The following SMARCA2 variants were observed in gnomAD, a reference collection of about 807,000 sequenced individuals.
SMARCA2 encodes the protein SWI/SNF related BAF chromatin remodeling complex subunit ATPase 2.
Under a neutral mutation model 199.8 loss-of-function variants are expected in SMARCA2, and 61 were observed. The ratio of observed to expected loss-of-function variants is 0.31; its 90% CI spans 0.25 to 0.38. The LOEUF (loss-of-function observed/expected upper bound fraction) is 0.38, where lower values mean the gene tolerates loss of function less well. Among genes scored for constraint, SMARCA2 ranks in the 10% least tolerant of loss-of-function variants. The pLI, the probability that SMARCA2 is intolerant of heterozygous loss-of-function variation, is 1.00. For synonymous variants in SMARCA2, 935 were observed against 732.0 expected, an observed-to-expected ratio of 1.28 and a Z score of -4.48; for missense variants, 1,344 against 2,012.2, an observed-to-expected ratio of 0.67 and a Z score of 6.35.
intron 27 of SMARCA2, chr9:2,158,833 A>T: frequency 9.9e-7 from 1 of 1,012,240 alleles, no homozygotes; most frequent in Non-Finnish European, 1.4e-6. Flanking sequence ...GTGTTTAGTG[A>T]ATTGATTTCC....
intron 5 of SMARCA2, among the ~76,000 whole-genome samples, chr9:2,053,779 C>G (rs370701624): frequency 1.3e-5 from 2 of 152,108 alleles, no homozygotes; most frequent in Admixed American, 1.3e-4. Context: ...ACTCTAAAAC[C>G]AGCAGTTTAT....
chr9:2,037,132 A>G (rs1391928660), intron 3 of SMARCA2, among the ~76,000 whole-genome samples: 1 of 152,224 alleles, frequency 6.6e-6, no homozygotes, highest in East Asian at 1.9e-4. Flanking sequence ...GTCATAATGA[A>G]CAGACTGCCA....
At chr9:2,182,597 C>A (rs1827125256) in intron 31 of SMARCA2, among the ~76,000 whole-genome samples, 1 of 144,214 alleles carries the variant, frequency 6.9e-6, no homozygotes, top group Admixed American at 7.1e-5. Flanking sequence ...AGGTTCAAGC[C>A]ATTCTTCTGC....
rs1315564854 is a variant in SMARCA2, at chr9:2,039,190, G to T, written c.356-276G>T. Among the ~76,000 whole-genome samples the T allele has an allele frequency of 2.0e-5, 3 of 150,792 alleles. No homozygotes were observed. Among genetic ancestry groups the T allele is most frequent in the Admixed American group, 6.6e-5 (1 of 15,154 alleles). On this transcript the variant is annotated intron_variant, in intron 3 of 33. Coordinates refer to ENST00000349721, the MANE Select transcript of SMARCA2 (RefSeq NM_003070.5). This position sits in a 1 kb window ranked among gnomAD's most constrained non-coding sequence, Gnocchi z 4.8. Reference sequence around the variant, plus strand: ...TTTACATTTTAAAATGATGTTTTGGGTATGTTGGTTTAAGTAAAATACATT... The same window carrying T: ...TTTACATTTTAAAATGATGTTTTGGTTATGTTGGTTTAAGTAAAATACATT...
intron 27 of SMARCA2, among the ~76,000 whole-genome samples, chr9:2,141,619 A>C (rs1824463072): frequency 6.6e-6 from 1 of 152,186 alleles, no homozygotes; most frequent in African/African-American, 2.4e-5. Flanking sequence ...GTGGGGCTGG[A>C]GTAGGGCAAA....
chr9:2,176,191 T>TTTTTTGTTTTTTTTTTTTTTG (rs1563829253), intron 29 of SMARCA2, among the ~76,000 whole-genome samples: 2 of 150,382 alleles, frequency 1.3e-5, no homozygotes, highest in African/African-American at 4.9e-5. Flanking sequence ...TGTTTTTTTT[T>TTTTTTGTTTTTTTTTTTTTTG]TTTTTTTTTT....
At chr9:2,024,148 G>A (rs1230357371) in intron 1 of SMARCA2, among the ~76,000 whole-genome samples, 2 of 152,180 alleles carry the variant, frequency 1.3e-5, no homozygotes, top group African/African-American at 2.4e-5. Context: ...AGGTTGGTGT[G>A]CTGCCCCAAA....
intron 27 of SMARCA2, among the ~76,000 whole-genome samples, chr9:2,150,581 G>A (rs1232991521): frequency 6.6e-6 from 1 of 151,688 alleles, no homozygotes; most frequent in Non-Finnish European, 1.5e-5. Flanking sequence ...TGTGTTATAT[G>A]TGCCTACGAG....
Position 2,077,746 on chromosome 9 carries a change from C to T in SMARCA2, c.2154C>T (p.Leu718=). ...ISERVEKQSA[L]LINGTLKHYQ... is the part of the protein sequence containing the mutation. ...AGAGGGTGGAGAAACAGTCTGCCCT[C>T]CTAATTAATGGGACCCTAAAGCATT... Residue 718 remains leucine, a synonymous_variant, in exon 14 of 34, where the codon CTC becomes CTT. Transcript: ENST00000349721. 4 of 1,613,438 alleles carry T rather than the reference C, an allele frequency of 2.5e-6. No individual in the cohort carries two copies. Among genetic ancestry groups the T allele is most frequent in the Non-Finnish European group, 3.4e-6 (4 of 1,179,712 alleles).
At chr9:2,190,261 A>T (rs1827785322) in intron 32 of SMARCA2, among the ~76,000 whole-genome samples, 1 of 152,230 alleles carries the variant, frequency 6.6e-6, no homozygotes, top group African/African-American at 2.4e-5. Flanking sequence ...GAAATTTACC[A>T]TATGGACATG....
At chr9:2,018,744 C>A (rs747864740) in intron 1 of SMARCA2, among the ~76,000 whole-genome samples, 1 of 152,184 alleles carries the variant, frequency 6.6e-6, no homozygotes, top group Non-Finnish European at 1.5e-5. Context: ...CCATTGAGAA[C>A]CCTAATAATA....
chr9:2,058,673 G>T (rs946600481), intron 8 of SMARCA2, among the ~76,000 whole-genome samples: 2 of 152,126 alleles, frequency 1.3e-5, no homozygotes, highest in South Asian at 2.1e-4. Context: ...TGACTGATGC[G>T]TATAGTATTT....
chr9:2,075,829 G>C (rs959722612), intron 12 of SMARCA2, among the ~76,000 whole-genome samples: 1 of 152,138 alleles, frequency 6.6e-6, no homozygotes, highest in Non-Finnish European at 1.5e-5. Flanking sequence ...AGCCATCAGA[G>C]AGAGTGTTTT....
At chr9:2,046,952 C>A (rs990791479) in intron 4 of SMARCA2, among the ~76,000 whole-genome samples, 9 of 152,198 alleles carry the variant, frequency 5.9e-5, no homozygotes, top group Non-Finnish European at 1.3e-4. Flanking sequence ...TAGTGAATGC[C>A]ATTTCCCGAT....
At chr9:2,074,645 T>C (rs1409137023) in intron 12 of SMARCA2, among the ~76,000 whole-genome samples, 3 of 152,170 alleles carry the variant, frequency 2.0e-5, no homozygotes, top group African/African-American at 7.2e-5. Context: ...CGCAGGAGAA[T>C]TGCTTGAGTC....
At chr9:2,150,962 A>G (rs761033087) in intron 27 of SMARCA2, among the ~76,000 whole-genome samples, 4 of 151,638 alleles carry the variant, frequency 2.6e-5, no homozygotes, top group African/African-American at 4.8e-5. Flanking sequence ...TAAAAGCCCT[A>G]TCTCAAAATA....
intron 13 of SMARCA2, among the ~76,000 whole-genome samples, chr9:2,077,085 A>C (rs73638377): frequency 0.016 from 2,413 of 152,208 alleles, 62 homozygotes; most frequent in African/African-American, 0.053. Context: ...AATCCCCCTC[A>C]GTGGTTCCTC....
At chr9:2,153,465 A>G (rs4740662) in intron 27 of SMARCA2, among the ~76,000 whole-genome samples, 129,557 of 152,190 alleles carry the variant, frequency 0.85, 55,363 homozygotes, top group African/African-American at 0.92. Flanking sequence ...CCACAAGGTT[A>G]AGGCTGTAGT....
chr9:2,066,113 G>T (rs941380054), intron 9 of SMARCA2, among the ~76,000 whole-genome samples: 1 of 152,132 alleles, frequency 6.6e-6, no homozygotes, highest in Admixed American at 6.5e-5. Flanking sequence ...GTTTTTGAAA[G>T]CTTAGGTTTC....
Sources: gnomAD v4.1 joint callset for allele counts (sites outside exome capture counted in the v4.1 genomes callset) on GRCh38, gnomAD v4.1.1 for gene constraint, Gnocchi (gnomAD v3.1) non-coding constraint, MANE v1.5 for transcripts, NCBI Gene and HGNC (gene_info 2026-07-23, HGNC 2026-07-21) for gene names.